The following ZMIZ1 variants were observed in gnomAD, a reference collection of about 807,000 sequenced individuals.
The protein encoded by ZMIZ1 is zinc finger MIZ-type containing 1.
In ZMIZ1, 17 loss-of-function variants were observed where a neutral mutation model predicts 113.9. The ratio of observed to expected loss-of-function variants is 0.15; its 90% CI spans 0.10 to 0.22. The LOEUF (loss-of-function observed/expected upper bound fraction) is 0.22. ZMIZ1 is among the 10% of genes least tolerant of loss of function. The pLI, the probability that ZMIZ1 is intolerant of heterozygous loss-of-function variation, is 1.00. For synonymous variants in ZMIZ1, 607 were observed against 603.1 expected, an observed-to-expected ratio of 1.01 and a Z score of -0.09; for missense variants, 1,059 against 1,477.8, an observed-to-expected ratio of 0.72 and a Z score of 4.65.
chr10:79,305,391 C>T (rs1935781705), intron 20 of ZMIZ1, 142 bp from the exon 21 acceptor site: 15 of 1,204,638 alleles, frequency 1.2e-5, no homozygotes, highest in African/African-American at 4.5e-5. Context: ...CTTGGTATCA[C>T]GCGGTCAGAG....
chr10:79,294,767 TCTC>T (rs1853758879), intron 12 of ZMIZ1: 1 of 152,384 alleles, frequency 6.6e-6, no homozygotes, highest in African/African-American at 2.4e-5. Flanking sequence ...AGAGCAGTTT[TCTC>T]CTCCTAGCTC....
chr10:79,278,423 A>T (rs991546318), intron 8 of ZMIZ1, among the ~76,000 whole-genome samples: 5 of 150,424 alleles, frequency 3.3e-5, no homozygotes, highest in Non-Finnish European at 4.4e-5. Context: ...TATTATTATT[A>T]TTTTAATTCT....
At chr10:79,268,574 A>G (rs1242102695) in intron 7 of ZMIZ1, among the ~76,000 whole-genome samples, 1 of 152,232 alleles carries the variant, frequency 6.6e-6, no homozygotes, top group Non-Finnish European at 1.5e-5. Flanking sequence ...GCTGCATAGC[A>G]TGTGCTAAAC....
chr10:79,190,590 C>T (rs1286613558), intron 4 of ZMIZ1, among the ~76,000 whole-genome samples: 1 of 152,108 alleles, frequency 6.6e-6, no homozygotes, highest in Admixed American at 6.5e-5. Context: ...TATATATATA[C>T]TAACAGTGAA....
At chr10:79,152,861 G>T (rs1303714203) in intron 3 of ZMIZ1, among the ~76,000 whole-genome samples, 1 of 152,226 alleles carries the variant, frequency 6.6e-6, no homozygotes, top group Admixed American at 6.5e-5. Context: ...TGCCTTCACT[G>T]CCCATTCATT....
chr10:79,205,723 T>C (rs1848291021), intron 5 of ZMIZ1, among the ~76,000 whole-genome samples: 1 of 152,156 alleles, frequency 6.6e-6, no homozygotes, highest in Admixed American at 6.5e-5. Flanking sequence ...CTTATCTCAC[T>C]AGATCACTTT....
intron 6 of ZMIZ1, 129 bp downstream of exon 6, chr10:79,208,578 C>T (rs1211797317): frequency 3.8e-6 from 3 of 779,688 alleles, no homozygotes; most frequent in East Asian, 5.4e-5. Flanking sequence ...TGGGAAGACA[C>T]TGGTGCTGGG....
At chr10:79,228,417 G>A (rs1849272870) in intron 7 of ZMIZ1, among the ~76,000 whole-genome samples, 2 of 152,232 alleles carry the variant, frequency 1.3e-5, no homozygotes, top group African/African-American at 4.8e-5. Flanking sequence ...GTGGACCTGG[G>A]CCTGCCCCAA....
At chr10:79,168,476 A>G (rs147899327) in intron 4 of ZMIZ1, among the ~76,000 whole-genome samples, 84 of 152,298 alleles carry the variant, frequency 5.5e-4, no homozygotes, top group Non-Finnish European at 1.1e-3. Flanking sequence ...AGGGCAGGCT[A>G]TGAACCATGT....
intron 2 of ZMIZ1, among the ~76,000 whole-genome samples, chr10:79,133,090 C>T (rs1564670393): frequency 6.6e-6 from 1 of 152,176 alleles, no homozygotes; most frequent in Non-Finnish European, 1.5e-5. Context: ...AAGTCCAAAC[C>T]CTTAGAATAG....
chr10:79,252,563 A>C (rs1397349139), intron 7 of ZMIZ1, among the ~76,000 whole-genome samples: 2 of 152,180 alleles, frequency 1.3e-5, no homozygotes, highest in Non-Finnish European at 2.9e-5. Context: ...TGCTACCTGA[A>C]GCCTTGCTTT....
Position 79,256,928 on chromosome 10 carries a change from A to G in ZMIZ1, c.281-20253A>G, listed in dbSNP as rs143989308. ...GAGGTGGGGAGACCTGAGGGGTGAC[A>G]TGGCTTGCTCCAGGTGACACAGCCC... On this transcript the variant is annotated intron_variant, in intron 7 of 24. Transcript: ENST00000334512. 4.0e-3 allele frequency among the ~76,000 whole-genome samples: 604 copies of G among 152,340 alleles called. 3 individuals carry two copies. The highest frequency in any genetic ancestry group is 0.013 in the African/African-American group (560 of 41,580).
At chr10:79,113,319 G>C (rs1843827727) in intron 1 of ZMIZ1, among the ~76,000 whole-genome samples, 1 of 152,242 alleles carries the variant, frequency 6.6e-6, no homozygotes, top group African/African-American at 2.4e-5. Context: ...TGGGCCTGCA[G>C]CCTCCATGGT....
In ZMIZ1 at chr10:79,238,763, C is replaced by T. The variant is rs536179817; in HGVS notation, c.280+22489C>T. Among the ~76,000 whole-genome samples, 113 of 152,332 alleles carry T rather than the reference C, an allele frequency of 7.4e-4. 3 individuals are homozygous for T. The South Asian group carries it at 0.023, about 31-fold the overall frequency. On this transcript the variant is annotated intron_variant, in intron 7 of 24. Transcript: ENST00000334512. The stretch of plus-strand genomic sequence containing the variant: ...AAACCCTTGGGCAAATTGTCTAAAC[C>T]TCCCTGCGCCTCTGTTTTAGTTTCT...
chr10:79,234,312 C>T lies in ZMIZ1; in HGVS notation c.280+18038C>T, dbSNP rs114705336. ...ACTCCCCAGCAATGCCTCGTGCCCACGCCCTTCCCTGGGCCTCGGAAGCTC... is the reference window on the plus strand; with the variant it reads ...ACTCCCCAGCAATGCCTCGTGCCCATGCCCTTCCCTGGGCCTCGGAAGCTC... On this transcript the variant is annotated intron_variant, in intron 7 of 24. Coordinates refer to ENST00000334512, the MANE Select transcript of ZMIZ1 (RefSeq NM_020338.4). Among the ~76,000 whole-genome samples the T allele has an allele frequency of 8.8e-3, 1,342 of 152,234 alleles. 26 individuals carry two copies. The highest frequency in any genetic ancestry group is 0.03 in the African/African-American group (1,266 of 41,532).
intron 5 of ZMIZ1, among the ~76,000 whole-genome samples, chr10:79,205,350 C>T (rs1187657832): frequency 6.6e-6 from 1 of 152,206 alleles, no homozygotes; most frequent in African/African-American, 2.4e-5. Context: ...CTGCAGTGGC[C>T]ATGTTGCTGG....
intron 3 of ZMIZ1, among the ~76,000 whole-genome samples, chr10:79,160,524 C>T (rs532866660): frequency 6.6e-6 from 1 of 152,376 alleles, no homozygotes; most frequent in African/African-American, 2.4e-5. Flanking sequence ...TTCTATATCC[C>T]CTACAACAGT....
chr10:79,078,547 C>A (rs1158071923), intron 1 of ZMIZ1, among the ~76,000 whole-genome samples: 2 of 147,328 alleles, frequency 1.4e-5, no homozygotes, highest in African/African-American at 5.0e-5. Context: ...TTTCCCCAGA[C>A]TACAGACACC....
chr10:79,176,422 A>G (rs1483061627), intron 4 of ZMIZ1, among the ~76,000 whole-genome samples: 2 of 152,066 alleles, frequency 1.3e-5, no homozygotes, highest in African/African-American at 2.4e-5. Context: ...CATAGATCTT[A>G]GAGCTCCGAG....
Sources: allele counts gnomAD v4.1 joint callset (sites outside exome capture counted in the v4.1 genomes callset), GRCh38; gene constraint gnomAD v4.1.1; transcripts MANE v1.5; gene names NCBI Gene and HGNC (gene_info 2026-07-23, HGNC 2026-07-21).